MAGI2: variants seen among roughly 807,000 people sequenced by gnomAD.
MAGI2 encodes the protein membrane associated guanylate kinase, WW and PDZ domain containing 2.
MAGI2 carries 35 observed loss-of-function variants against 133.3 expected under a neutral mutation model. The observed-to-expected ratio is 0.26, with a 90% CI of 0.20 to 0.35. The LOEUF is 0.35. MAGI2 is among the 10% of genes least tolerant of loss of function. The pLI, the probability that MAGI2 is intolerant of heterozygous loss-of-function variation, is 1.00. For synonymous variants in MAGI2, 729 were observed against 710.6 expected, an observed-to-expected ratio of 1.03 and a Z score of -0.41; for missense variants, 1,636 against 1,863.4, an observed-to-expected ratio of 0.88 and a Z score of 2.25.
intron 2 of MAGI2, among the ~76,000 whole-genome samples, chr7:78,934,248 C>A (rs985367102): frequency 6.6e-6 from 1 of 152,004 alleles, no homozygotes; most frequent in Non-Finnish European, 1.5e-5. Context: ...ATTACAGGTG[C>A]CTGTCACCAC....
At chr7:78,882,241 TATGCCCACAAACTAGAAAATCTAGAGGAA>T (rs1230109761) in intron 2 of MAGI2, among the ~76,000 whole-genome samples, 1 of 151,288 alleles carries the variant, frequency 6.6e-6, no homozygotes, top group East Asian at 1.9e-4. Context: ...TGAACACCTC[TATGCCCACAAACTAGAAAATCTAGAGGAA>T]ATGAATAAAT....
chr7:78,941,728 T>TCACACACACACACA (rs3068585), intron 2 of MAGI2, among the ~76,000 whole-genome samples: 59 of 123,456 alleles, frequency 4.8e-4, no homozygotes, highest in African/African-American at 1.1e-3. Context: ...GCCTATTTCA[T>TCACACACACACACA]CACACACACA....
chr7:79,017,176 C>T (rs144745801), intron 1 of MAGI2, among the ~76,000 whole-genome samples: 544 of 152,346 alleles, frequency 3.6e-3, no homozygotes, highest in Non-Finnish European at 6.1e-3. Flanking sequence ...GAGGCTGGCA[C>T]CACCCATCAG....
intron 3 of MAGI2, among the ~76,000 whole-genome samples, chr7:78,604,028 A>T (rs1805507374): frequency 6.8e-6 from 1 of 147,228 alleles, no homozygotes; most frequent in Non-Finnish European, 1.5e-5. Flanking sequence ...AAAATCAAAC[A>T]TACAATGACA....
In MAGI2 at chr7:78,751,111, G is replaced by A. The variant is rs182423077; in HGVS notation, c.419-123872C>T. Among the ~76,000 whole-genome samples the A allele has an allele frequency of 4.6e-5, 7 of 152,234 alleles. No homozygotes were observed. In the East Asian group the frequency reaches 1.4e-3, roughly 29 times the overall value. On this transcript the variant is annotated intron_variant, in intron 2 of 21. Transcript: ENST00000354212. Reference sequence around the variant, plus strand: ...AGGTCTTGATTCCCATAAGAAATGAGATAACCACTTGTTCCCTGATATATA... The same window carrying A: ...AGGTCTTGATTCCCATAAGAAATGAAATAACCACTTGTTCCCTGATATATA...
At chr7:78,346,492 T>A (rs1005279794) in intron 7 of MAGI2, among the ~76,000 whole-genome samples, 1 of 151,942 alleles carries the variant, frequency 6.6e-6, no homozygotes, top group South Asian at 2.1e-4. Flanking sequence ...GCAACCAGAG[T>A]CTGCACTTTT....
chr7:78,451,132 A>C (rs995115860), intron 6 of MAGI2, among the ~76,000 whole-genome samples: 1 of 152,004 alleles, frequency 6.6e-6, no homozygotes, highest in Admixed American at 6.6e-5. Flanking sequence ...ACTTCTCTCC[A>C]TCAGTTTAGT....
intron 2 of MAGI2, among the ~76,000 whole-genome samples, chr7:78,725,202 A>G (rs1260526485): frequency 6.6e-6 from 1 of 152,234 alleles, no homozygotes; most frequent in Non-Finnish European, 1.5e-5. Context: ...GTTAACGCTT[A>G]TGGTTTTTAG....
At chr7:79,104,415 T>C (rs947234887) in intron 1 of MAGI2, among the ~76,000 whole-genome samples, 1 of 152,126 alleles carries the variant, frequency 6.6e-6, no homozygotes, top group African/African-American at 2.4e-5. Flanking sequence ...TTACCTGTAA[T>C]CCCAGCACTT....
chr7:79,359,255 A>G (rs1287793480), intron 1 of MAGI2, among the ~76,000 whole-genome samples: 1 of 152,152 alleles, frequency 6.6e-6, no homozygotes, highest in East Asian at 1.9e-4. Context: ...AGAGAATAGA[A>G]TTAGGAAATA....
intron 2 of MAGI2, among the ~76,000 whole-genome samples, chr7:78,825,394 G>A (rs1274632599): frequency 1.3e-5 from 2 of 152,222 alleles, no homozygotes; most frequent in African/African-American, 2.4e-5. Flanking sequence ...ATAAATATAT[G>A]TTACTAGTTT....
chr7:78,935,244 T>A (rs976286518), intron 2 of MAGI2, among the ~76,000 whole-genome samples: 2 of 152,160 alleles, frequency 1.3e-5, no homozygotes, highest in Non-Finnish European at 2.9e-5. Flanking sequence ...TAATAAATAG[T>A]CTTTTTTTAT....
At chr7:78,340,111 C>G (rs1790201657) in intron 9 of MAGI2, among the ~76,000 whole-genome samples, 1 of 152,020 alleles carries the variant, frequency 6.6e-6, no homozygotes, top group Admixed American at 6.6e-5. Context: ...AACTTTTTCT[C>G]CAAAGGAATT....
chr7:79,294,660 G>A (rs1051256922), intron 1 of MAGI2, among the ~76,000 whole-genome samples: 26 of 147,732 alleles, frequency 1.8e-4, no homozygotes, highest in South Asian at 2.2e-4. Flanking sequence ...ACCTGATCAA[G>A]TCAGCATTTA....
At position 78,979,043 on chromosome 7, in the gene MAGI2, C is replaced by T. The variant is rs137939515; in HGVS notation, c.418+28047G>A. Among the ~76,000 whole-genome samples, 387 of 151,942 alleles carry T rather than the reference C, an allele frequency of 2.5e-3. 3 individuals carry two copies. The highest frequency in any genetic ancestry group is 9.0e-3 in the African/African-American group (373 of 41,496). ...TGTAGTAATGGATTCGAGTTGGAGA[C>T]ATCAGTAAAAACTCAAGTTTCATTT... On this transcript the variant is annotated intron_variant, in intron 2 of 21. Coordinates refer to ENST00000354212, the MANE Select transcript of MAGI2 (RefSeq NM_012301.4).
At chr7:78,094,999 T>C (rs528893375) in intron 20 of MAGI2, among the ~76,000 whole-genome samples, 1 of 152,132 alleles carries the variant, frequency 6.6e-6, no homozygotes, top group Admixed American at 6.6e-5. Context: ...TAGCAGGGTA[T>C]GTATGAGGGA....
chr7:79,378,189 C>T (rs1297872415), intron 1 of MAGI2, among the ~76,000 whole-genome samples: 1 of 151,764 alleles, frequency 6.6e-6, no homozygotes, highest in Non-Finnish European at 1.5e-5. Context: ...AATGTAGTAA[C>T]AACACTTTGA....
chr7:78,078,943 G>C lies in MAGI2; in HGVS notation c.3706+4C>G, dbSNP rs1290658478. The C allele has an allele frequency of 6.2e-7, 1 of 1,612,458 alleles. No homozygotes were observed. Among genetic ancestry groups the C allele is most frequent in the Non-Finnish European group, 8.5e-7 (1 of 1,179,760 alleles). Reference sequence around the variant, plus strand: ...AAAAGGGTGAATTAAAACGTGAAACGTACCATATTCTGGGACCTGTCCCGT... The same window carrying C: ...AAAAGGGTGAATTAAAACGTGAAACCTACCATATTCTGGGACCTGTCCCGT... On this transcript the variant is annotated splice_donor_region_variant and intron_variant, in intron 21 of 21. Coordinates refer to ENST00000354212, the MANE Select transcript of MAGI2 (RefSeq NM_012301.4).
At chr7:78,680,224 C>G (rs895729022) in intron 2 of MAGI2, among the ~76,000 whole-genome samples, 1 of 152,046 alleles carries the variant, frequency 6.6e-6, no homozygotes, top group Non-Finnish European at 1.5e-5. Flanking sequence ...ACTCAAGAAC[C>G]ATTAACATGG....
Sources: allele counts gnomAD v4.1 joint callset (sites outside exome capture counted in the v4.1 genomes callset), GRCh38; gene constraint gnomAD v4.1.1; transcripts MANE v1.5; gene names NCBI Gene and HGNC (gene_info 2026-07-23, HGNC 2026-07-21).